The following ROBO1 variants were observed in gnomAD, a reference collection of about 807,000 sequenced individuals.
The protein encoded by ROBO1 is roundabout guidance receptor 1.
ROBO1 carries 149 observed loss-of-function variants against 195.9 expected under a neutral mutation model. That is an observed-to-expected ratio of 0.76 (90% CI 0.67 to 0.87). The LOEUF is 0.87. Among genes scored for constraint, ROBO1 ranks in the 40% least tolerant of loss-of-function variants. ROBO1 has a pLI of 0.00. For synonymous variants in ROBO1, 816 were observed against 733.2 expected (o/e 1.11, Z -1.82); for missense variants, 1,933 against 2,068.3 (o/e 0.93, Z 1.27).
At chr3:78,625,745 G>T (rs1458575954) in intron 26 of ROBO1, among the ~76,000 whole-genome samples, 1 of 152,152 alleles carries the variant, frequency 6.6e-6, no homozygotes, top group African/African-American at 2.4e-5. Flanking sequence ...AAACTGAGAA[G>T]TCTTTACATT....
chr3:79,589,680 C>A, intron 2 of ROBO1, 144 bp downstream of exon 2: 1 of 628,400 alleles, frequency 1.6e-6, no homozygotes, highest in South Asian at 2.1e-5. Context: ...GATCAGCACT[C>A]ATACTCAAGA....
chr3:79,326,897 GTGCT>G (rs1388610449), intron 2 of ROBO1, among the ~76,000 whole-genome samples: 1 of 152,134 alleles, frequency 6.6e-6, no homozygotes, highest in Non-Finnish European at 1.5e-5. Flanking sequence ...AGGTGGATGA[GTGCT>G]GACTGTAGGG....
chr3:78,947,708 C>A (rs1421510081), intron 3 of ROBO1, among the ~76,000 whole-genome samples: 3 of 152,022 alleles, frequency 2.0e-5, no homozygotes, highest in African/African-American at 7.2e-5. Flanking sequence ...ACAATAAAAC[C>A]CTTCAAAAAA....
intron 3 of ROBO1, among the ~76,000 whole-genome samples, chr3:78,984,605 G>A (rs1295343748): frequency 6.6e-6 from 1 of 152,140 alleles, no homozygotes; most frequent in Non-Finnish European, 1.5e-5. Context: ...GCGGTATGAT[G>A]AGTGAGCATG....
At chr3:79,339,068 C>G (rs918624087) in intron 2 of ROBO1, among the ~76,000 whole-genome samples, 3 of 152,116 alleles carry the variant, frequency 2.0e-5, no homozygotes, top group African/African-American at 7.2e-5. Flanking sequence ...TTGCCAATAC[C>G]TTCAAAATAT....
intron 2 of ROBO1, 144 bp downstream of exon 2, chr3:79,589,680 C>T (rs1166160354): frequency 3.2e-6 from 2 of 628,286 alleles, no homozygotes; most frequent in Non-Finnish European, 5.7e-6. Context: ...GATCAGCACT[C>T]ATACTCAAGA....
intron 2 of ROBO1, among the ~76,000 whole-genome samples, chr3:79,552,153 G>C (rs539818750): frequency 1.3e-5 from 2 of 151,676 alleles, no homozygotes; most frequent in Non-Finnish European, 2.9e-5. Context: ...TACCCAAAAC[G>C]TGTTCTGCAG....
intron 2 of ROBO1, among the ~76,000 whole-genome samples, chr3:79,156,752 A>G (rs2080866226): frequency 6.6e-6 from 1 of 151,928 alleles, no homozygotes; most frequent in Non-Finnish European, 1.5e-5. Context: ...TTATTTCCAT[A>G]TTTTAGTAAA....
chr3:79,513,448 A>G (rs1462086531), intron 2 of ROBO1, among the ~76,000 whole-genome samples: 1 of 152,140 alleles, frequency 6.6e-6, no homozygotes. Flanking sequence ...GATGATTACC[A>G]TGAACTCACA....
At chr3:79,066,623 A>T (rs1183162657) in intron 3 of ROBO1, among the ~76,000 whole-genome samples, 1 of 151,892 alleles carries the variant, frequency 6.6e-6, no homozygotes, top group Non-Finnish European at 1.5e-5. Flanking sequence ...GATTCTATAG[A>T]GTCTGATTTT....
intron 2 of ROBO1, among the ~76,000 whole-genome samples, chr3:79,484,753 A>ATTTTTTTTTTTTTTTTTTTT (rs1402757273): frequency 5.7e-5 from 1 of 17,696 alleles, no homozygotes; most frequent in Non-Finnish European, 1.0e-4. Flanking sequence ...TCATTGCACT[A>ATTTTTTTTTTTTTTTTTTTT]TCTTTTTTTT....
chr3:78,923,681 A>G (rs1189320472), intron 4 of ROBO1, among the ~76,000 whole-genome samples: 1 of 152,152 alleles, frequency 6.6e-6, no homozygotes, highest in East Asian at 1.9e-4. Flanking sequence ...TCTCCAGCTC[A>G]TCAACTCAAG....
chr3:78,708,874 AC>A (rs1203219817), intron 8 of ROBO1, among the ~76,000 whole-genome samples: 1 of 152,216 alleles, frequency 6.6e-6, no homozygotes, highest in Admixed American at 6.5e-5. Flanking sequence ...TCCTATCAAG[AC>A]AGAGCCAGCT....
intron 10 of ROBO1, among the ~76,000 whole-genome samples, chr3:78,679,303 C>T (rs1312928127): frequency 1.3e-5 from 2 of 150,692 alleles, no homozygotes; most frequent in Admixed American, 6.6e-5. Context: ...CCTATTCAAC[C>T]TAGTGTTGGA....
At chr3:79,232,255 A>G (rs1290415488) in intron 2 of ROBO1, among the ~76,000 whole-genome samples, 1 of 142,200 alleles carries the variant, frequency 7.0e-6, no homozygotes, top group Non-Finnish European at 1.5e-5. Context: ...TTTAAAAAAA[A>G]AAAAAATATA....
chr3:79,402,772 A>G (rs777203850), intron 2 of ROBO1, among the ~76,000 whole-genome samples: 8 of 151,966 alleles, frequency 5.3e-5, no homozygotes, highest in Non-Finnish European at 1.0e-4. Flanking sequence ...TTTGAAACAC[A>G]TTGGAAACTT....
rs557745639 is a variant in ROBO1 at position 78,824,151 on chromosome 3, A to G, written c.500-77251T>C. Among the ~76,000 whole-genome samples the G allele has an allele frequency of 3.3e-5, 5 of 152,322 alleles. No individual in the cohort carries two copies. In the South Asian group the frequency reaches 8.3e-4, roughly 25 times the overall value. On this transcript the variant is annotated intron_variant, in intron 4 of 30. Coordinates refer to ENST00000464233, the MANE Select transcript of ROBO1 (RefSeq NM_002941.4). Reference sequence around the variant, plus strand: ...AGTAAAACAAAAAGAAGTTTGTTGAATTAAGTAAATCTATGAGCACGACAT... The same window carrying G: ...AGTAAAACAAAAAGAAGTTTGTTGAGTTAAGTAAATCTATGAGCACGACAT...
intron 1 of ROBO1, among the ~76,000 whole-genome samples, chr3:79,703,355 C>G (rs1379543141): frequency 6.6e-6 from 1 of 151,610 alleles, no homozygotes; most frequent in Non-Finnish European, 1.5e-5. Context: ...CAAAATACAG[C>G]TTTTAGTCCA....
chr3:78,600,210 C>G lies in ROBO1; in HGVS notation c.4844G>C (p.Arg1615Thr). The G allele has an allele frequency of 6.2e-7, 1 of 1,613,614 alleles. No individual in the cohort carries two copies. Among genetic ancestry groups the G allele is most frequent in the Non-Finnish European group, 8.5e-7 (1 of 1,179,634 alleles). ...SSMSSRGSGS[R>T]QREQANVGRR... ...ACCTACATTTGCTTGTTCTCTTTGT[C>G]TGCTTCCTGATCCTCTTGATGACAT... Residue 1615 changes from arginine (R) to threonine (T), a missense_variant, in exon 30 of 31, where the codon AGA (arginine) becomes ACA (threonine). This residue lies in a region of ROBO1 where 1,737 missense variants were observed against 1,882.5 expected (regional missense o/e 0.92). Coordinates refer to ENST00000464233, the MANE Select transcript of ROBO1 (RefSeq NM_002941.4).
Sources: gnomAD v4.1 joint callset for allele counts (sites outside exome capture counted in the v4.1 genomes callset) on GRCh38, gnomAD v4.1.1 for gene constraint, gnomAD v4.1.1 regional missense constraint, MANE v1.5 for transcripts, NCBI Gene and HGNC (gene_info 2026-07-23, HGNC 2026-07-21) for gene names.